CNTNAP5: variants seen among roughly 807,000 people sequenced by gnomAD.
The protein encoded by CNTNAP5 is contactin-associated protein-like 5.
In CNTNAP5, 72 loss-of-function variants were observed where a neutral mutation model predicts 150.2. That is an observed-to-expected ratio of 0.48 (90% CI 0.40 to 0.58). CNTNAP5 has a LOEUF of 0.58. CNTNAP5 is among the 20% of genes least tolerant of loss of function. CNTNAP5 has a pLI of 0.00. For missense variants in CNTNAP5, 1,636 were observed against 1,626.2 expected, an observed-to-expected ratio of 1.01 and a Z score of -0.10; for synonymous variants, 672 against 619.8, an observed-to-expected ratio of 1.08 and a Z score of -1.25.
chr2:124,667,627 T>C (rs1168480524), intron 13 of CNTNAP5, among the ~76,000 whole-genome samples: 2 of 152,254 alleles, frequency 1.3e-5, no homozygotes, highest in Admixed American at 6.5e-5. Flanking sequence ...AGGTTAAGAA[T>C]TGAGTCCAAT....
At chr2:124,666,593 G>C (rs1678706582) in intron 13 of CNTNAP5, among the ~76,000 whole-genome samples, 1 of 152,036 alleles carries the variant, frequency 6.6e-6, no homozygotes, top group Admixed American at 6.5e-5. Context: ...GATTTCTCTA[G>C]AGTCCCCTTG....
At chr2:124,907,020 G>T (rs1333795985) in intron 22 of CNTNAP5, among the ~76,000 whole-genome samples, 1 of 152,086 alleles carries the variant, frequency 6.6e-6, no homozygotes, top group Non-Finnish European at 1.5e-5. Flanking sequence ...GGGAATTAGG[G>T]TGTGTCATTG....
intron 19 of CNTNAP5, among the ~76,000 whole-genome samples, chr2:124,850,627 C>T (rs954405408): frequency 6.6e-6 from 1 of 152,134 alleles, no homozygotes; most frequent in African/African-American, 2.4e-5. Flanking sequence ...AATGGAACCA[C>T]AGCACTGGAT....
At chr2:124,417,176 G>A (rs1387976162) in intron 3 of CNTNAP5, among the ~76,000 whole-genome samples, 1 of 151,928 alleles carries the variant, frequency 6.6e-6, no homozygotes, top group African/African-American at 2.4e-5. Flanking sequence ...CTGACCTCAT[G>A]ACCCGCTTGC....
In CNTNAP5 at chr2:124,609,862, C is replaced by A. The variant is rs765748364; in HGVS notation, c.1818C>A (p.Tyr606Ter). 4 of 1,613,902 alleles carry A rather than the reference C, an allele frequency of 2.5e-6. No homozygotes were observed. Among genetic ancestry groups the A allele is most frequent in the Non-Finnish European group, 3.4e-6 (4 of 1,179,888 alleles). ...RHQGNTAGFF[Y>*]IDSDGSGPLG... ...AGGGGAATACAGCCGGCTTCTTCTACATCGACTCAGATGGCAGCGGCCCAC... is the reference window on the plus strand; with the variant it reads ...AGGGGAATACAGCCGGCTTCTTCTAAATCGACTCAGATGGCAGCGGCCCAC... The change falls in exon 12 of 24, where the codon TAC becomes TAA. Residue 606 changes from tyrosine to a stop codon, truncating the protein, a stop_gained. Coordinates refer to ENST00000682447, the MANE Select transcript of CNTNAP5 (RefSeq NM_001367498.1). LOFTEE classifies it high-confidence loss of function.
chr2:124,878,658 A>G lies in CNTNAP5; in HGVS notation c.3436+8896A>G, dbSNP rs900688439. ...ATGATTGGTAAACAGTGGAGGTGGTAGTGTGGACAATATATTTTTATTTTT... is the reference window on the plus strand; with the variant it reads ...ATGATTGGTAAACAGTGGAGGTGGTGGTGTGGACAATATATTTTTATTTTT... On this transcript the variant is annotated intron_variant, in intron 21 of 23. Coordinates refer to ENST00000682447, the MANE Select transcript of CNTNAP5 (RefSeq NM_001367498.1). Among the ~76,000 whole-genome samples the G allele has an allele frequency of 9.9e-5, 15 of 151,574 alleles. No individual in the cohort carries two copies. The South Asian group carries it at 3.1e-3, about 31-fold the overall frequency.
chr2:124,527,398 C>G lies in CNTNAP5; in HGVS notation c.1591C>G (p.Gln531Glu), dbSNP rs1694997109. The change falls in exon 10 of 24, where the codon CAA becomes GAA. Residue 531 changes from glutamine (Q) to glutamate (E), a missense_variant. Transcript: ENST00000682447. ...NQPKDLISVQ[Q>E]GSLGNFSDLH... ...GCCCAAGGACCTCATTTCAGTTCAGCAAGGTTCCCTGGGGAATTTTAGTGA... is the reference window on the plus strand; with the variant it reads ...GCCCAAGGACCTCATTTCAGTTCAGGAAGGTTCCCTGGGGAATTTTAGTGA... The G allele has an allele frequency of 3.1e-6, 5 of 1,613,572 alleles. No homozygotes were observed. Among genetic ancestry groups the G allele is most frequent in the Admixed American group, 1.7e-5 (1 of 59,994 alleles).
intron 3 of CNTNAP5, among the ~76,000 whole-genome samples, chr2:124,308,326 C>T (rs1246805865): frequency 2.0e-5 from 3 of 152,188 alleles, no homozygotes; most frequent in African/African-American, 4.8e-5. Flanking sequence ...TATCCATCCC[C>T]TGCCCTGGTT....
chr2:124,910,578 A>G (rs1678634490), intron 22 of CNTNAP5, among the ~76,000 whole-genome samples: 1 of 151,972 alleles, frequency 6.6e-6, no homozygotes, highest in Non-Finnish European at 1.5e-5. Context: ...GAGAGGAGTA[A>G]TAGAAAGACT....
chr2:124,513,814 A>C (rs1694646947), intron 8 of CNTNAP5, among the ~76,000 whole-genome samples: 1 of 152,120 alleles, frequency 6.6e-6, no homozygotes, highest in Admixed American at 6.5e-5. Flanking sequence ...TGCAGGATGG[A>C]AGTGCTCACT....
chr2:124,657,154 T>C (rs1678477038), intron 13 of CNTNAP5, among the ~76,000 whole-genome samples: 1 of 152,204 alleles, frequency 6.6e-6, no homozygotes, highest in African/African-American at 2.4e-5. Context: ...AGTTCAGTTG[T>C]GGAGCTTGCC....
intron 19 of CNTNAP5, among the ~76,000 whole-genome samples, chr2:124,834,898 G>A (rs1682797882): frequency 6.6e-6 from 1 of 151,662 alleles, no homozygotes; most frequent in African/African-American, 2.4e-5. Flanking sequence ...GATAGGCTAA[G>A]ATTTCATTTT....
At chr2:124,031,530 G>A (rs1681049723) in intron 1 of CNTNAP5, among the ~76,000 whole-genome samples, 1 of 152,118 alleles carries the variant, frequency 6.6e-6, no homozygotes, top group African/African-American at 2.4e-5. Context: ...TTGGATGCGG[G>A]AGCTGAAAAA....
At chr2:124,134,824 AT>A (rs1268390410) in intron 1 of CNTNAP5, among the ~76,000 whole-genome samples, 1 of 152,188 alleles carries the variant, frequency 6.6e-6, no homozygotes, top group Non-Finnish European at 1.5e-5. Flanking sequence ...GAAAGGTTAC[AT>A]TGTAGAATGA....
intron 3 of CNTNAP5, among the ~76,000 whole-genome samples, chr2:124,360,159 T>G (rs1273192904): frequency 6.7e-6 from 1 of 149,274 alleles, no homozygotes; most frequent in African/African-American, 2.5e-5. Flanking sequence ...ATTTGCTTGG[T>G]AGATCTTCCT....
At chr2:124,868,120 T>A (rs1328501871) in intron 20 of CNTNAP5, among the ~76,000 whole-genome samples, 1 of 152,174 alleles carries the variant, frequency 6.6e-6, no homozygotes, top group Non-Finnish European at 1.5e-5. Context: ...TGCCTTTTGA[T>A]TGACATCTCC....
At position 124,599,862 on chromosome 2, in the gene CNTNAP5, AT is replaced by A. The variant is rs367944262; in HGVS notation, c.1757-9933del. ...GGGGAGCTCCTTAAATACTTTTCCT[AT>A]TTTTTATAGGAACAGGTCGATTTAA... On this transcript the variant is annotated intron_variant, in intron 11 of 23. Coordinates refer to ENST00000682447, the MANE Select transcript of CNTNAP5 (RefSeq NM_001367498.1). Among the ~76,000 whole-genome samples the A allele has an allele frequency of 9.1e-3, 1,380 of 152,014 alleles. 26 individuals carry two copies. The highest frequency in any genetic ancestry group is 0.032 in the African/African-American group (1,307 of 41,454).
chr2:124,097,386 CTT>C lies in CNTNAP5; in HGVS notation c.82+71656_82+71657del, dbSNP rs1363187726. 2.6e-5 allele frequency among the ~76,000 whole-genome samples: 4 copies of C among 152,298 alleles called. No individual in the cohort carries two copies. In the East Asian group the frequency reaches 5.8e-4, roughly 22 times the overall value. ...TAATCGTCCTCTCAACCTCTATACA[CTT>C]TGATAGCATCAAGAAGTTTTTATCA... On this transcript the variant is annotated intron_variant, in intron 1 of 23. Transcript: ENST00000682447.
intron 13 of CNTNAP5, among the ~76,000 whole-genome samples, chr2:124,722,133 C>G (rs927155770): frequency 2.0e-5 from 3 of 152,044 alleles, no homozygotes; most frequent in African/African-American, 7.2e-5. Context: ...TAGACAGCAA[C>G]ATAAGAATTT....
Sources: allele counts gnomAD v4.1 joint callset (sites outside exome capture counted in the v4.1 genomes callset), GRCh38; gene constraint gnomAD v4.1.1; transcripts MANE v1.5; gene names NCBI Gene and HGNC (gene_info 2026-07-23, HGNC 2026-07-21).